Variants in CORO2B observed in about 807,000 individuals in gnomAD.
CORO2B encodes the protein coronin 2B.
Under a neutral mutation model 58.8 loss-of-function variants are expected in CORO2B, and 26 were observed. The observed-to-expected ratio is 0.44, with a 90% confidence interval of 0.32 to 0.61. The LOEUF (loss-of-function observed/expected upper bound fraction) is 0.61. CORO2B is among the 20% of genes least tolerant of loss of function. CORO2B has a pLI of 0.04. For synonymous variants in CORO2B, 242 were observed against 253.8 expected (o/e 0.95, Z 0.44); for missense variants, 460 against 645.1 (o/e 0.71, Z 3.11).
At chr15:68,629,659 T>A (rs1900773802) in intron 1 of CORO2B, among the ~76,000 whole-genome samples, 1 of 152,108 alleles carries the variant, frequency 6.6e-6, no homozygotes, top group East Asian at 1.9e-4. Flanking sequence ...CCTTATGAAA[T>A]GGTCAGGGGA....
intron 2 of CORO2B, among the ~76,000 whole-genome samples, chr15:68,673,835 T>TAAA (rs10579845): frequency 6.1e-4 from 57 of 92,696 alleles, no homozygotes; most frequent in African/African-American, 2.2e-3. Flanking sequence ...AGACTCCGTC[T>TAAA]AAAAAAAAAA....
intron 1 of CORO2B, among the ~76,000 whole-genome samples, chr15:68,586,524 T>C (rs1313233718): frequency 6.6e-6 from 1 of 152,188 alleles, no homozygotes; most frequent in Non-Finnish European, 1.5e-5. Context: ...TGGACATTGA[T>C]GAGAGCATGG....
chr15:68,668,090 G>A (rs1902255551), intron 2 of CORO2B, among the ~76,000 whole-genome samples: 1 of 152,200 alleles, frequency 6.6e-6, no homozygotes, highest in Admixed American at 6.5e-5. Context: ...TTGCAGATGA[G>A]GAAACAGGTA....
chr15:68,525,500 TGACAGA>T, the CORO2B span, among the ~76,000 whole-genome samples: 1 of 152,232 alleles, frequency 6.6e-6, no homozygotes, highest in Admixed American at 6.5e-5. Context: ...ACTCGATTCT[TGACAGA>T]GCCTTTTGCA....
At chr15:68,678,143 C>T (rs543047210) in intron 2 of CORO2B, among the ~76,000 whole-genome samples, 71 of 152,364 alleles carry the variant, frequency 4.7e-4, no homozygotes, top group Admixed American at 2.0e-3. Flanking sequence ...ACCCGTGCCA[C>T]TGGCTGCTGG....
rs1049532426 is a variant in CORO2B at position 68,727,272 on chromosome 15, T to C, written c.*1298T>C. 4 of 152,808 alleles carry C rather than the reference T, an allele frequency of 2.6e-5. No homozygotes were observed. The South Asian group carries it at 6.2e-4, about 24-fold the overall frequency. 9.5% of individuals were successfully genotyped at this position (152,808 alleles called of 1,614,324 possible). A position where few individuals can be genotyped will look rare whatever the true frequency, so the allele number is the denominator to read the frequency against. On this transcript the variant is annotated 3_prime_UTR_variant, in exon 12 of 12. Transcript: ENST00000261861. ...CCTCACGTCTACTCCCTTCTGCAGA[T>C]GAGGAAACCGAGAGAAGTGGCCCAA...
At chr15:68,682,854 G>A (rs867039161) in intron 2 of CORO2B, among the ~76,000 whole-genome samples, 1 of 152,174 alleles carries the variant, frequency 6.6e-6, no homozygotes, top group African/African-American at 2.4e-5. Context: ...AGGTGGGCTG[G>A]GCAAAAATCA....
chr15:68,703,739 G>A (rs1892715241), intron 3 of CORO2B, among the ~76,000 whole-genome samples: 1 of 152,112 alleles, frequency 6.6e-6, no homozygotes, highest in Non-Finnish European at 1.5e-5. Context: ...TAAGTCACTA[G>A]CAGTCATGAC....
At chr15:68,591,974 C>A (rs1899718567) in intron 1 of CORO2B, among the ~76,000 whole-genome samples, 1 of 152,192 alleles carries the variant, frequency 6.6e-6, no homozygotes, top group African/African-American at 2.4e-5. Context: ...TGGTTGGGGA[C>A]TGCCTCACCT....
chr15:68,574,886 C>T (rs920390872), upstream of CORO2B, among the ~76,000 whole-genome samples: 1 of 152,170 alleles, frequency 6.6e-6, no homozygotes, highest in African/African-American at 2.4e-5. Flanking sequence ...AGGGCTAGGG[C>T]CCCAGAGGCC....
At chr15:68,610,782 A>G (rs1900229442) in intron 1 of CORO2B, among the ~76,000 whole-genome samples, 1 of 152,332 alleles carries the variant, frequency 6.6e-6, no homozygotes, top group South Asian at 2.1e-4. Context: ...CCAATAGGGC[A>G]TCAGGCCAGT....
intron 1 of CORO2B, among the ~76,000 whole-genome samples, chr15:68,597,638 A>AT (rs1335453459): frequency 3.4e-5 from 5 of 148,254 alleles, no homozygotes; most frequent in African/African-American, 1.0e-4. Context: ...AAAAAAAAAA[A>AT]AATAAATAAA....
At chr15:68,689,661 A>G (rs1239935221) in intron 2 of CORO2B, among the ~76,000 whole-genome samples, 1 of 152,250 alleles carries the variant, frequency 6.6e-6, no homozygotes, top group East Asian at 1.9e-4. Context: ...GTCTCCGGTC[A>G]CACCCCCTGT....
the CORO2B span, among the ~76,000 whole-genome samples, chr15:68,571,105 C>T: frequency 1.3e-5 from 2 of 152,182 alleles, no homozygotes; most frequent in Non-Finnish European, 2.9e-5. Flanking sequence ...GGATAGTGAT[C>T]TGGATGGTAA....
At chr15:68,672,243 A>T (rs1466453320) in intron 2 of CORO2B, among the ~76,000 whole-genome samples, 4 of 150,518 alleles carry the variant, frequency 2.7e-5, no homozygotes, top group Non-Finnish European at 5.9e-5. Flanking sequence ...TCTGGTTTTT[A>T]AAAATTTTTT....
intron 1 of CORO2B, among the ~76,000 whole-genome samples, chr15:68,594,918 G>A (rs1231094520): frequency 6.6e-6 from 1 of 152,224 alleles, no homozygotes; most frequent in South Asian, 2.1e-4. Flanking sequence ...CTATCATGCT[G>A]TGTGACCTTA....
intron 3 of CORO2B, among the ~76,000 whole-genome samples, chr15:68,701,577 C>T (rs1452432308): frequency 6.7e-6 from 1 of 149,798 alleles, no homozygotes; most frequent in Non-Finnish European, 1.5e-5. Context: ...GCTCCGCCTC[C>T]CGGGTTCACG....
chr15:68,537,755 T>C, the CORO2B span, among the ~76,000 whole-genome samples: 1 of 152,320 alleles, frequency 6.6e-6, no homozygotes, highest in East Asian at 1.9e-4. Context: ...TTTAAATAAA[T>C]TTTCTTGGAA....
At chr15:68,640,294 C>T (rs1901169366) in intron 1 of CORO2B, among the ~76,000 whole-genome samples, 1 of 152,202 alleles carries the variant, frequency 6.6e-6, no homozygotes, top group Non-Finnish European at 1.5e-5. Flanking sequence ...TCCCCCTGCC[C>T]TCTCCTCTCC....
Sources: gnomAD v4.1 joint callset for allele counts (sites outside exome capture counted in the v4.1 genomes callset) on GRCh38, gnomAD v4.1.1 for gene constraint, MANE v1.5 for transcripts, NCBI Gene and HGNC (gene_info 2026-07-23, HGNC 2026-07-21) for gene names.